The following SORCS2 variants were observed in gnomAD, a reference collection of about 807,000 sequenced individuals.
SORCS2 encodes VPS10 domain-containing receptor SorCS2.
A neutral mutation model predicts 141.6 loss-of-function variants in SORCS2; 100 were observed. That is an observed-to-expected ratio of 0.71 (90% CI 0.60 to 0.83). The LOEUF (loss-of-function observed/expected upper bound fraction) is 0.83, where lower values mean the gene tolerates loss of function less well. SORCS2 is among the 40% of genes least tolerant of loss of function. The probability of loss-of-function intolerance (pLI) is 0.00; values close to 1 mark genes in which losing one functional copy is unlikely to be tolerated. For missense variants in SORCS2, 1,646 were observed against 1,560.2 expected (o/e 1.05, Z -0.93); for synonymous variants, 789 against 676.9 (o/e 1.17, Z -2.57).
intron 3 of SORCS2, among the ~76,000 whole-genome samples, chr4:7,615,540 C>T (rs1296753100): frequency 6.6e-6 from 1 of 152,170 alleles, no homozygotes; most frequent in African/African-American, 2.4e-5. Context: ...GGTTACATAC[C>T]TGCCCTCTCC....
At chr4:7,593,355 T>G (rs1482038792) in intron 3 of SORCS2, among the ~76,000 whole-genome samples, 1 of 152,198 alleles carries the variant, frequency 6.6e-6, no homozygotes, top group Non-Finnish European at 1.5e-5. Flanking sequence ...CCAGGTCACC[T>G]GCAGCAGAGC....
chr4:7,585,062 T>C (rs1009470049), intron 3 of SORCS2, among the ~76,000 whole-genome samples: 1 of 151,964 alleles, frequency 6.6e-6, no homozygotes, highest in African/African-American at 2.4e-5. Flanking sequence ...CATGTCAGAG[T>C]CTCAGAAATT....
chr4:7,433,545 G>A (rs199707724), intron 2 of SORCS2: 25 of 1,610,446 alleles, frequency 1.6e-5, no homozygotes, highest in East Asian at 6.7e-5. Flanking sequence ...GCACGGGCTC[G>A]TACTGGGTGA....
chr4:7,443,107 C>A (rs1165158831), intron 2 of SORCS2, among the ~76,000 whole-genome samples: 1 of 152,180 alleles, frequency 6.6e-6, no homozygotes, highest in African/African-American at 2.4e-5. Flanking sequence ...TTGAATATGA[C>A]CTCATCTCAA....
rs1467371483 is a variant in SORCS2, at chr4:7,373,492, T to A, written c.481-22796T>A. Among the ~76,000 whole-genome samples the A allele has an allele frequency of 7.4e-4, 64 of 85,958 alleles. 5 individuals carry two copies. The highest frequency in any genetic ancestry group is 9.0e-4 in the South Asian group (2 of 2,214). 56.4% of individuals were successfully genotyped at this position (85,958 alleles called of 152,430 possible). On this transcript the variant is annotated intron_variant, in intron 1 of 26. Transcript: ENST00000507866. ...TATATATATATATTTTTTTTTTTTT[T>A]TTTTTTTTTTTTTTGAGTCGGGGTC... is the stretch of plus-strand genomic sequence containing the variant.
chr4:7,720,034 C>T (rs899042502), intron 18 of SORCS2, among the ~76,000 whole-genome samples: 2 of 152,178 alleles, frequency 1.3e-5, no homozygotes, highest in African/African-American at 4.8e-5. Context: ...CACTGGTACA[C>T]ACGCTCACAC....
intron 25 of SORCS2, among the ~76,000 whole-genome samples, chr4:7,736,682 G>A (rs1423529135): frequency 6.6e-6 from 1 of 152,224 alleles, no homozygotes; most frequent in African/African-American, 2.4e-5. Flanking sequence ...GCCGGCTCGT[G>A]CCTCCTGCGG....
At chr4:7,593,581 C>T (rs370988225) in intron 3 of SORCS2, among the ~76,000 whole-genome samples, 206 of 152,132 alleles carry the variant, frequency 1.4e-3, no homozygotes, top group African/African-American at 3.4e-3. Flanking sequence ...CGTGCCTGGC[C>T]GAGCCTCAGT....
rs1726128133 is a variant in SORCS2, at chr4:7,715,427, G to A, written c.2252+116G>A. On this transcript the variant is annotated intron_variant, in intron 17 of 26. Coordinates refer to ENST00000507866, the MANE Select transcript of SORCS2 (RefSeq NM_020777.3). ...AGCTCCCAACTCCCAAGTGGAGTCG[G>A]GGAAAGAGAGGTCAAAGTTGAGGAT... 5 of 1,448,412 alleles carry A rather than the reference G, an allele frequency of 3.5e-6. No homozygotes were observed. In the South Asian group the frequency reaches 6.8e-5, roughly 20 times the overall value. 89.7% of individuals were successfully genotyped at this position (1,448,412 alleles called of 1,614,324 possible).
rs74973087 is a variant in SORCS2, at chr4:7,632,418, C to T, written c.649-5910C>T. ...AATTTGGAGGAACCACTGCCAGCTC[C>T]GCCTGGCACGATGCTAATTGATTTG... On this transcript the variant is annotated intron_variant, in intron 3 of 26. Coordinates refer to ENST00000507866, the MANE Select transcript of SORCS2 (RefSeq NM_020777.3). 4.7e-3 allele frequency among the ~76,000 whole-genome samples: 722 copies of T among 152,276 alleles called. 8 individuals are homozygous for T. Among genetic ancestry groups the T allele is most frequent in the African/African-American group, 0.017 (692 of 41,550 alleles).
At chr4:7,620,006 CTCCTCCTCCTCCT>C (rs1471725536) in intron 3 of SORCS2, among the ~76,000 whole-genome samples, 5 of 2,032 alleles carry the variant, frequency 2.5e-3, no homozygotes, top group African/African-American at 2.6e-3. Flanking sequence ...CCTCTTTTTT[CTCCTCCTCCTCCT>C]TCCTCCTCCT....
intron 1 of SORCS2, among the ~76,000 whole-genome samples, chr4:7,246,402 C>A (rs1347172372): frequency 1.3e-5 from 2 of 151,992 alleles, no homozygotes; most frequent in South Asian, 2.1e-4. Flanking sequence ...TCACCCGGGG[C>A]TTAAATGAAC....
intron 3 of SORCS2, among the ~76,000 whole-genome samples, chr4:7,553,214 G>A (rs1273105012): frequency 3.9e-5 from 6 of 152,122 alleles, no homozygotes; most frequent in Admixed American, 3.9e-4. Flanking sequence ...ACAGATGTGT[G>A]GGTGGTGGGG....
chr4:7,359,012 A>C lies in SORCS2; in HGVS notation c.481-37276A>C, dbSNP rs555617620. On this transcript the variant is annotated intron_variant, in intron 1 of 26. Transcript: ENST00000507866. ...TACCACAACACTCGGCTAATCAAAA[A>C]AATTTTGTGGCCAGGTGCAGTGGCT... 5.9e-5 allele frequency among the ~76,000 whole-genome samples: 9 copies of C among 152,268 alleles called. No homozygotes were observed. The East Asian group carries it at 1.5e-3, about 26-fold the overall frequency.
chr4:7,386,762 TAC>T (rs1211519409), intron 1 of SORCS2, among the ~76,000 whole-genome samples: 8 of 22,922 alleles, frequency 3.5e-4, no homozygotes, highest in Non-Finnish European at 4.7e-4. Flanking sequence ...TACACAGAGA[TAC>T]ACACATATGC....
chr4:7,591,809 C>T (rs1161384726), intron 3 of SORCS2, among the ~76,000 whole-genome samples: 1 of 152,280 alleles, frequency 6.6e-6, no homozygotes, highest in East Asian at 1.9e-4. Flanking sequence ...TCAGGGGTGC[C>T]CGCCGCACGG....
At chr4:7,266,239 G>T (rs1396558528) in intron 1 of SORCS2, among the ~76,000 whole-genome samples, 1 of 152,174 alleles carries the variant, frequency 6.6e-6, no homozygotes, top group African/African-American at 2.4e-5. Context: ...GGCCTGGCCT[G>T]GGAGGGCACA....
intron 26 of SORCS2, among the ~76,000 whole-genome samples, chr4:7,739,219 GA>G (rs764024667): frequency 2.0e-5 from 3 of 152,174 alleles, no homozygotes; most frequent in Non-Finnish European, 2.9e-5. Flanking sequence ...TGTGCCCCCC[GA>G]AGGCCCCGGG....
In SORCS2 at chr4:7,286,440, G is replaced by A. The variant is rs376239760; in HGVS notation, c.480+93314G>A. ...GAGACGTCCTGGAAGGCAGCCACGA[G>A]GCCTGACGTTGGAGATGCACCATCC... On this transcript the variant is annotated intron_variant, in intron 1 of 26. Coordinates refer to ENST00000507866, the MANE Select transcript of SORCS2 (RefSeq NM_020777.3). The surrounding 1 kb of genome is among the most constrained non-coding windows in gnomAD (Gnocchi z 4.1). 5.3e-5 allele frequency among the ~76,000 whole-genome samples: 8 copies of A among 152,312 alleles called. No homozygotes were observed. Among genetic ancestry groups the A allele is most frequent in the African/African-American group, 1.9e-4 (8 of 41,570 alleles).
Sources: allele counts gnomAD v4.1 joint callset (sites outside exome capture counted in the v4.1 genomes callset), GRCh38; gene constraint gnomAD v4.1.1; non-coding constraint Gnocchi (gnomAD v3.1); transcripts MANE v1.5; gene names NCBI Gene and HGNC (gene_info 2026-07-23, HGNC 2026-07-21).